SASS6: variants seen among roughly 807,000 people sequenced by gnomAD.
The protein encoded by SASS6 is SAS-6 centriolar assembly protein.
Under a neutral mutation model 94.9 loss-of-function variants are expected in SASS6, and 59 were observed. That is an observed-to-expected ratio of 0.62 (90% CI 0.50 to 0.77). SASS6 has a LOEUF of 0.77. SASS6 is among the 30% of genes least tolerant of loss of function. The probability of loss-of-function intolerance (pLI) is 0.00; values close to 1 mark genes in which losing one functional copy is unlikely to be tolerated. For synonymous variants in SASS6, 264 were observed against 270.0 expected (o/e 0.98, Z 0.22); for missense variants, 698 against 734.1 (o/e 0.95, Z 0.57).
intron 7 of SASS6, among the ~76,000 whole-genome samples, chr1:100,110,957 C>A (rs978843147): frequency 1.3e-5 from 2 of 151,854 alleles, no homozygotes; most frequent in African/African-American, 4.8e-5. Flanking sequence ...GTAAAACGAG[C>A]AAGGTTGGTT....
intron 7 of SASS6, among the ~76,000 whole-genome samples, chr1:100,113,066 C>G (rs1309675986): frequency 1.3e-5 from 2 of 152,084 alleles, no homozygotes; most frequent in Non-Finnish European, 2.9e-5. Flanking sequence ...AACAAATGCC[C>G]TTATGAAGAA....
At chr1:100,120,768 G>C (rs944695476) in intron 5 of SASS6, among the ~76,000 whole-genome samples, 3 of 152,140 alleles carry the variant, frequency 2.0e-5, no homozygotes, top group African/African-American at 7.2e-5. Context: ...AGATGGGCTA[G>C]GGCCGGGCGC....
At chr1:100,124,104 A>G (rs1654398087) in intron 2 of SASS6, among the ~76,000 whole-genome samples, 1 of 152,252 alleles carries the variant, frequency 6.6e-6, no homozygotes, top group Admixed American at 6.5e-5. Context: ...CTAAGATCCT[A>G]GAAAAATCTA....
intron 7 of SASS6, among the ~76,000 whole-genome samples, chr1:100,118,035 C>A (rs939907043): frequency 6.6e-6 from 1 of 151,870 alleles, no homozygotes; most frequent in African/African-American, 2.4e-5. Context: ...GAATTAAGAA[C>A]GTGGCAGGGC....
chr1:100,129,697 G>A (rs1291993145), intron 1 of SASS6, among the ~76,000 whole-genome samples: 2 of 152,200 alleles, frequency 1.3e-5, no homozygotes, highest in Non-Finnish European at 2.9e-5. Flanking sequence ...ACAAGGAACA[G>A]CAGGGGTAAT....
Position 100,107,821 on chromosome 1 carries a change from G to T in SASS6, c.1045C>A (p.Gln349Lys). ...ATTTAAAAGTAGACCTTTTGTTCCT[G>T]GATTGTATCAAATGCCTCTTTTGTT... ...LRTKEAFDTI[Q>K]EQKVVLEENG... Residue 349 changes from glutamine (Q) to lysine (K), a missense_variant, in exon 9 of 17, where the codon CAG (glutamine) becomes AAG (lysine). Transcript: ENST00000287482. The T allele has an allele frequency of 1.2e-6, 2 of 1,607,550 alleles. No individual in the cohort carries two copies. The highest frequency in any genetic ancestry group is 2.2e-5 in the South Asian group (2 of 90,564).
chr1:100,119,178 T>A, intron 6 of SASS6, 41 bp from the exon 7 acceptor site: 1 of 1,137,632 alleles, frequency 8.8e-7, no homozygotes, highest in Non-Finnish European at 1.2e-6. Flanking sequence ...ATAGGCTCCT[T>A]AATATGTAAT....
chr1:100,114,501 TAGTG>T (rs1653642072), intron 7 of SASS6, among the ~76,000 whole-genome samples: 1 of 150,310 alleles, frequency 6.7e-6, no homozygotes, highest in Non-Finnish European at 1.5e-5. Flanking sequence ...CTGACCAACA[TAGTG>T]AGACTCCATC....
At chr1:100,095,379 A>T (rs1229751279) in intron 14 of SASS6, among the ~76,000 whole-genome samples, 1 of 152,100 alleles carries the variant, frequency 6.6e-6, no homozygotes, top group Non-Finnish European at 1.5e-5. Flanking sequence ...AAATTACAAA[A>T]AATTAGCTGG....
intron 7 of SASS6, among the ~76,000 whole-genome samples, chr1:100,113,492 G>A (rs564132850): frequency 6.6e-6 from 1 of 151,996 alleles, no homozygotes; most frequent in South Asian, 2.1e-4. Context: ...GTGGTGGCAG[G>A]TGCCTGTAGT....
At chr1:100,108,916 G>A (rs575790663) in intron 8 of SASS6, among the ~76,000 whole-genome samples, 1 of 151,782 alleles carries the variant, frequency 6.6e-6, no homozygotes, top group Non-Finnish European at 1.5e-5. Flanking sequence ...GGTAGCAATT[G>A]TTATTTTTAG....
intron 6 of SASS6, among the ~76,000 whole-genome samples, chr1:100,119,927 T>TA (rs1423252636): frequency 1.3e-5 from 2 of 152,188 alleles, no homozygotes; most frequent in African/African-American, 2.4e-5. Context: ...AAGAACAAGC[T>TA]AAAACAGATA....
intron 13 of SASS6, among the ~76,000 whole-genome samples, chr1:100,105,148 C>T (rs1298084958): frequency 2.0e-5 from 3 of 151,998 alleles, no homozygotes; most frequent in Admixed American, 6.6e-5. Context: ...AAATGTTTTA[C>T]GTTATGTGTT....
intron 14 of SASS6, among the ~76,000 whole-genome samples, chr1:100,095,349 G>C (rs1652036273): frequency 6.6e-6 from 1 of 152,062 alleles, no homozygotes. Flanking sequence ...GGGCAACATG[G>C]CAAAACCCTG....
Position 100,098,619 on chromosome 1 carries a change from C to A in SASS6, c.1674+4336G>T, listed in dbSNP as rs138736455. Among the ~76,000 whole-genome samples, 549 of 151,584 alleles carry A rather than the reference C, an allele frequency of 3.6e-3. 1 individual carries two copies. The highest frequency in any genetic ancestry group is 0.013 in the African/African-American group (528 of 41,300). ...TATAAATCTATTAGTACCAGGCCACCGAGATGTATGCACAAAAATATTTGC... is the reference window on the plus strand; with the variant it reads ...TATAAATCTATTAGTACCAGGCCACAGAGATGTATGCACAAAAATATTTGC... On this transcript the variant is annotated intron_variant, in intron 14 of 16. Coordinates refer to ENST00000287482, the MANE Select transcript of SASS6 (RefSeq NM_194292.3).
At chr1:100,098,120 A>G (rs1005081759) in intron 14 of SASS6, among the ~76,000 whole-genome samples, 2 of 152,216 alleles carry the variant, frequency 1.3e-5, no homozygotes, top group Non-Finnish European at 2.9e-5. Context: ...TAACCTTTAA[A>G]TTTTTAAAAA....
chr1:100,084,688 CACTT>C lies in SASS6; in HGVS notation c.*636_*639del, dbSNP rs1380080947. 6.6e-6 allele frequency: 1 copy of C among 152,036 alleles called. No homozygotes were observed. The highest frequency in any genetic ancestry group is 1.5e-5 in the Non-Finnish European group (1 of 67,938). The allele number at this position is 152,036 out of a possible 1,614,324, so 9.4% of individuals were successfully genotyped here. ...AACTTGTCAGCTCAAATGACAAAAG[CACTT>C]AATCTGGTCACATAAAAACTGTCCA... On this transcript the variant is annotated 3_prime_UTR_variant, in exon 17 of 17. Transcript: ENST00000287482.
chr1:100,088,192 T>A lies in SASS6; in HGVS notation c.1719A>T (p.Gly573=). Residue 573 remains glycine, a synonymous_variant, in exon 15 of 17, where the codon GGA becomes GGT. Coordinates refer to ENST00000287482, the MANE Select transcript of SASS6 (RefSeq NM_194292.3). ...TAATAGTTGCTCCTGACTGAACATC[T>A]CCTAGTGATGCATTTGGTTTTGTAA... is the stretch of plus-strand genomic sequence containing the variant. ...LQFTKPNASL[G]DVQSGATISM... The A allele has an allele frequency of 6.2e-7, 1 of 1,607,606 alleles. No individual in the cohort carries two copies. Among genetic ancestry groups the A allele is most frequent in the Non-Finnish European group, 8.5e-7 (1 of 1,174,328 alleles).
At chr1:100,100,110 A>G (rs1652368641) in intron 14 of SASS6, among the ~76,000 whole-genome samples, 1 of 152,130 alleles carries the variant, frequency 6.6e-6, no homozygotes, top group Non-Finnish European at 1.5e-5. Context: ...TACTAAAAAT[A>G]CAAAAATTAG....
Sources: gnomAD v4.1 joint callset for allele counts (sites outside exome capture counted in the v4.1 genomes callset) on GRCh38, gnomAD v4.1.1 for gene constraint, MANE v1.5 for transcripts, NCBI Gene and HGNC (gene_info 2026-07-23, HGNC 2026-07-21) for gene names.